The following KLHL32 variants were observed in gnomAD, a reference collection of about 807,000 sequenced individuals.
KLHL32 encodes the protein kelch-like protein 32.
In KLHL32, 35 loss-of-function variants were observed where a neutral mutation model predicts 64.8. The ratio of observed to expected loss-of-function variants is 0.54; its 90% CI spans 0.41 to 0.72. The LOEUF (loss-of-function observed/expected upper bound fraction) is 0.72. Ranked by LOEUF, KLHL32 falls within the 30% of genes least tolerant of loss-of-function variation. The probability of loss-of-function intolerance (pLI) is 0.00; values close to 1 mark genes in which losing one functional copy is unlikely to be tolerated. For missense variants in KLHL32, 589 were observed against 768.5 expected, an observed-to-expected ratio of 0.77 and a Z score of 2.76; for synonymous variants, 259 against 281.0, an observed-to-expected ratio of 0.92 and a Z score of 0.78.
intron 6 of KLHL32, among the ~76,000 whole-genome samples, chr6:97,095,181 T>C (rs937995705): frequency 1.3e-5 from 2 of 152,180 alleles, no homozygotes; most frequent in Non-Finnish European, 2.9e-5. Context: ...AGGACGATGC[T>C]TAGTTAAGTG....
chr6:96,967,105 C>T (rs769718389), intron 2 of KLHL32, 22 bp downstream of exon 2: 4 of 1,611,646 alleles, frequency 2.5e-6, no homozygotes, highest in African/African-American at 1.3e-5. Flanking sequence ...AGGATATGTC[C>T]TCACATGCCG....
At chr6:96,986,725 A>C (rs1411420581) in intron 3 of KLHL32, among the ~76,000 whole-genome samples, 1 of 152,188 alleles carries the variant, frequency 6.6e-6, no homozygotes, top group African/African-American at 2.4e-5. Flanking sequence ...TTGGAAAAGC[A>C]CAGTATTAGG....
chr6:96,971,029 ATT>A (rs58279291), intron 2 of KLHL32, among the ~76,000 whole-genome samples: 1 of 151,486 alleles, frequency 6.6e-6, no homozygotes, highest in Admixed American at 6.6e-5. Flanking sequence ...TTACTGTTAG[ATT>A]TTTTTTTGTC....
chr6:96,927,037 A>G (rs1048095158), intron 1 of KLHL32, among the ~76,000 whole-genome samples: 1 of 152,194 alleles, frequency 6.6e-6, no homozygotes, highest in African/African-American at 2.4e-5. Context: ...AGTCTAATAA[A>G]TGCTCTACCT....
chr6:96,948,429 C>A (rs1177403697), intron 1 of KLHL32, among the ~76,000 whole-genome samples: 1 of 152,024 alleles, frequency 6.6e-6, no homozygotes, highest in Non-Finnish European at 1.5e-5. Flanking sequence ...ACCAAGACAT[C>A]AGATGATTCC....
At position 97,028,803 on chromosome 6, in the gene KLHL32, G is replaced by A. The variant is rs578013477; in HGVS notation, c.205-12689G>A. 6.8e-4 allele frequency among the ~76,000 whole-genome samples: 104 copies of A among 152,312 alleles called. 1 individual carries two copies. Among genetic ancestry groups the A allele is most frequent in the African/African-American group, 2.4e-3 (101 of 41,564 alleles). Reference sequence around the variant, plus strand: ...TAGCAAATGTATTCAATAAGAAAGCGTAAAAGTGCCATCCCTAAACATCTG... The same window carrying A: ...TAGCAAATGTATTCAATAAGAAAGCATAAAAGTGCCATCCCTAAACATCTG... On this transcript the variant is annotated intron_variant, in intron 3 of 10. Transcript: ENST00000369261.
At chr6:96,960,933 G>T (rs1773814622) in intron 1 of KLHL32, among the ~76,000 whole-genome samples, 1 of 152,166 alleles carries the variant, frequency 6.6e-6, no homozygotes. Context: ...AGGGGTTGTG[G>T]AGACCAATGT....
the KLHL32 span, among the ~76,000 whole-genome samples, chr6:96,913,698 T>C: frequency 1.3e-5 from 2 of 152,312 alleles, no homozygotes; most frequent in Admixed American, 1.3e-4. Flanking sequence ...GAGAAAAATT[T>C]TGAAAGAAAG....
chr6:97,118,434 C>T (rs1214395666), intron 7 of KLHL32, among the ~76,000 whole-genome samples: 1 of 151,932 alleles, frequency 6.6e-6, no homozygotes, highest in Non-Finnish European at 1.5e-5. Context: ...GCCTGGCCAG[C>T]ATGGTGAAAC....
chr6:97,112,185 T>G (rs951695201), intron 6 of KLHL32, among the ~76,000 whole-genome samples: 10 of 152,194 alleles, frequency 6.6e-5, no homozygotes, highest in African/African-American at 2.2e-4. Flanking sequence ...TCCTGCCTCC[T>G]GTCCCTATCA....
intron 4 of KLHL32, among the ~76,000 whole-genome samples, chr6:97,049,582 G>A (rs1200538635): frequency 1.3e-5 from 2 of 151,768 alleles, no homozygotes; most frequent in Admixed American, 6.6e-5. Flanking sequence ...CGTCGATAAC[G>A]GGGGGCGGGG....
intron 4 of KLHL32, among the ~76,000 whole-genome samples, chr6:97,063,777 A>G (rs984544219): frequency 3.3e-5 from 5 of 152,192 alleles, no homozygotes; most frequent in African/African-American, 1.2e-4. Flanking sequence ...GCTGGTCCAG[A>G]GACCAGATTC....
chr6:97,006,332 TCTG>T (rs1779662592), intron 3 of KLHL32, among the ~76,000 whole-genome samples: 1 of 152,176 alleles, frequency 6.6e-6, no homozygotes, highest in Non-Finnish European at 1.5e-5. Context: ...AATAGAAAGC[TCTG>T]CTCTTTTCTG....
the KLHL32 span, among the ~76,000 whole-genome samples, chr6:96,908,779 C>T: frequency 6.6e-6 from 1 of 152,054 alleles, no homozygotes; most frequent in South Asian, 2.1e-4. Context: ...CACTGTCCTG[C>T]CCCCTCCCCT....
chr6:97,095,740 C>CAAG (rs1233582573), intron 6 of KLHL32, among the ~76,000 whole-genome samples: 8 of 152,130 alleles, frequency 5.3e-5, no homozygotes, highest in Non-Finnish European at 1.0e-4. Flanking sequence ...CGGGAGCACA[C>CAAG]AAGAAGTAAA....
intron 9 of KLHL32, 108 bp downstream of exon 9, chr6:97,131,057 G>A (rs1331123088): frequency 2.2e-6 from 2 of 900,396 alleles, no homozygotes; most frequent in Non-Finnish European, 3.4e-6. Context: ...CATAGTTGTA[G>A]AAGAACCTGC....
In KLHL32 at chr6:96,965,510, C is replaced by G. The variant is rs74629580; in HGVS notation, c.-65-1486C>G. Among the ~76,000 whole-genome samples the G allele has an allele frequency of 7.2e-3, 1,091 of 152,254 alleles. 26 individuals are homozygous for G. The highest frequency in any genetic ancestry group is 0.025 in the African/African-American group (1,044 of 41,540). ...TTATTTTAACTTTAGGATTTTTGCT[C>G]TCCATTCAGTTGTTGGGAGTGTTTT... is the stretch of plus-strand genomic sequence containing the variant. On this transcript the variant is annotated intron_variant, in intron 1 of 10. Coordinates refer to ENST00000369261, the MANE Select transcript of KLHL32 (RefSeq NM_052904.4).
intron 3 of KLHL32, among the ~76,000 whole-genome samples, chr6:96,993,010 G>A (rs941328609): frequency 2.6e-5 from 4 of 152,206 alleles, no homozygotes; most frequent in Non-Finnish European, 4.4e-5. Flanking sequence ...TGATTGTTCA[G>A]ATGGAGAAAG....
intron 3 of KLHL32, among the ~76,000 whole-genome samples, chr6:97,040,461 G>T (rs1784947041): frequency 6.6e-6 from 1 of 152,126 alleles, no homozygotes; most frequent in African/African-American, 2.4e-5. Flanking sequence ...ATAGCTGAGT[G>T]GTTCTCAAAT....
Sources: allele counts gnomAD v4.1 joint callset (sites outside exome capture counted in the v4.1 genomes callset), GRCh38; gene constraint gnomAD v4.1.1; transcripts MANE v1.5; gene names NCBI Gene and HGNC (gene_info 2026-07-23, HGNC 2026-07-21).